The following BCOR variants were observed in gnomAD, a reference collection of about 807,000 sequenced individuals.
BCOR encodes BCL6 corepressor.
Under a neutral mutation model 86.7 loss-of-function variants are expected in BCOR, and 10 were observed. That is an observed-to-expected ratio of 0.12 (90% confidence interval 0.07 to 0.20). BCOR has a LOEUF of 0.20. Among genes scored for constraint, BCOR ranks in the 10% least tolerant of loss-of-function variants. The probability of loss-of-function intolerance (pLI) is 1.00; values close to 1 mark genes in which losing one functional copy is unlikely to be tolerated. For synonymous variants in BCOR, 611 were observed against 609.0 expected (o/e 1.00, Z -0.05); for missense variants, 1,259 against 1,452.1 (o/e 0.87, Z 2.16).
intron 1 of BCOR, among the ~76,000 whole-genome samples, chrX:40,111,824 G>A (rs1275855601): frequency 9.0e-6 from 1 of 111,505 alleles, no homozygotes; most frequent in Non-Finnish European, 1.9e-5. Flanking sequence ...GGAACACACT[G>A]CACAATCTGT....
intron 1 of BCOR, among the ~76,000 whole-genome samples, chrX:40,163,338 G>T (rs1938455325): frequency 9.0e-6 from 1 of 111,373 alleles, no homozygotes; most frequent in African/African-American, 3.3e-5. Flanking sequence ...CATTGGACAA[G>T]ATCATAGAGA....
chrX:40,117,118 T>C (rs755832188), intron 1 of BCOR, among the ~76,000 whole-genome samples: 1 of 112,684 alleles, frequency 8.9e-6, no homozygotes, highest in African/African-American at 3.2e-5. Flanking sequence ...ACACCGATGA[T>C]TAATGCGCCT....
chrX:40,141,531 C>T (rs1937923269), intron 1 of BCOR, among the ~76,000 whole-genome samples: 1 of 111,556 alleles, frequency 9.0e-6, no homozygotes, highest in African/African-American at 3.3e-5. Context: ...TGGGAGACTC[C>T]GTGTGCAGTG....
upstream of BCOR, among the ~76,000 whole-genome samples, chrX:40,099,642 A>T (rs1937033590): frequency 8.9e-6 from 1 of 112,518 alleles, no homozygotes; most frequent in Non-Finnish European, 1.9e-5. Flanking sequence ...AGCTCTAGCT[A>T]GCAGATATTT....
chrX:40,148,758 T>C lies in BCOR; in HGVS notation c.-41+28249A>G, dbSNP rs374502013. On this transcript the variant is annotated intron_variant, in intron 1 of 14. Coordinates refer to the BCOR transcript ENST00000342274. ...AGCGCTGTGAGGGAAGTAGGACAGA[T>C]AGCATCACCCCCATTGGCAAAGGAG... Among the ~76,000 whole-genome samples, 15 of 110,977 alleles carry C rather than the reference T, an allele frequency of 1.4e-4. No individual in the cohort carries two copies. The East Asian group carries it at 4.3e-3, about 32-fold the overall frequency.
At chrX:40,138,560 A>T (rs1378306594) in intron 1 of BCOR, among the ~76,000 whole-genome samples, 1 of 110,305 alleles carries the variant, frequency 9.1e-6, no homozygotes, top group African/African-American at 3.3e-5. Context: ...TTATTTATTT[A>T]TTTATTTATT....
chrX:40,056,281 T>TAAAAAAAAAAAAAAAAA lies in BCOR; in HGVS notation c.4596-785_4596-769dup, dbSNP rs60712024. Among the ~76,000 whole-genome samples, 13 of 61,437 alleles carry TAAAAAAAAAAAAAAAAA rather than the reference T, an allele frequency of 2.1e-4. 1 individual carries two copies. The highest frequency in any genetic ancestry group is 8.2e-4 in the African/African-American group (12 of 14,592). 53.4% of individuals were successfully genotyped at this position (61,437 alleles called of 115,157 possible). The stretch of plus-strand genomic sequence containing the variant: ...AATACAACAAGCAACTGTCACACAT[T>TAAAAAAAAAAAAAAAAA]AAAAAAAAAAAAAAAAAAAAGCCAC... On this transcript the variant is annotated intron_variant, in intron 11 of 14. Transcript: ENST00000378444.
chrX:40,052,337 A>C lies in BCOR; in HGVS notation c.5040T>G (p.Phe1680Leu). Residue 1680 changes from phenylalanine to leucine, a missense_variant, in exon 15 of 15, where the codon TTT (phenylalanine) becomes TTG (leucine). This residue lies in a region of BCOR where 137 missense variants were observed against 149.8 expected (regional missense o/e 0.91). Coordinates refer to ENST00000378444, the MANE Select transcript of BCOR (RefSeq NM_001123385.2). ...TTTCCACGTTTGGAAAATTGCAGCG[A>C]AATATGCGGGAGGACATTTTCAATT... The part of the protein sequence containing the change: ...LKKLKMSSRI[F>L]RCNFPNVEIV... 1.7e-6 allele frequency: 2 copies of C among 1,211,993 alleles called. No homozygotes were observed. The highest frequency in any genetic ancestry group is 1.8e-5 in the South Asian group (1 of 57,007).
chrX:40,140,666 C>T (rs1937903729), intron 1 of BCOR, among the ~76,000 whole-genome samples: 1 of 112,525 alleles, frequency 8.9e-6, no homozygotes, highest in South Asian at 3.6e-4. Flanking sequence ...GCCACCCCAA[C>T]AGCCACAAGC....
intron 1 of BCOR, among the ~76,000 whole-genome samples, chrX:40,133,517 T>C (rs1029569991): frequency 9.2e-6 from 1 of 108,840 alleles, no homozygotes; most frequent in Non-Finnish European, 1.9e-5. Flanking sequence ...TGGAGTGCAG[T>C]GGCGCTACCT....
chrX:40,156,224 G>A (rs191593857), intron 1 of BCOR, among the ~76,000 whole-genome samples: 255 of 113,181 alleles, frequency 2.3e-3, no homozygotes, highest in African/African-American at 7.7e-3. Context: ...CGTAATTAAA[G>A]ATCTGAGAGT....
chrX:40,173,947 T>G (rs1938686350), intron 1 of BCOR, among the ~76,000 whole-genome samples: 1 of 113,025 alleles, frequency 8.8e-6, no homozygotes, highest in South Asian at 3.6e-4. Context: ...CAAATACCAC[T>G]TCTGTAGACA....
At chrX:40,110,212 G>A (rs945773821) in intron 1 of BCOR, among the ~76,000 whole-genome samples, 1 of 111,449 alleles carries the variant, frequency 9.0e-6, no homozygotes, top group Non-Finnish European at 1.9e-5. Flanking sequence ...ATTTAGAGGC[G>A]AGAAATGCCT....
At chrX:40,161,852 T>C (rs907219620) in intron 1 of BCOR, among the ~76,000 whole-genome samples, 2 of 111,757 alleles carry the variant, frequency 1.8e-5, no homozygotes, top group Non-Finnish European at 1.9e-5. Context: ...ATCAAGTACA[T>C]AACGGTCTGC....
Position 40,062,858 on chromosome X carries a change from C to G in BCOR, c.4061G>C (p.Ser1354Thr). The change falls in exon 9 of 15, where the codon AGC becomes ACC. Residue 1354 changes from serine to threonine, a missense_variant. This residue lies in a region of BCOR where 305 missense variants were observed against 286.1 expected (regional missense o/e 1.07). Transcript: ENST00000378444. ...ASLLQKYTDN[S>T]EKPSGKRLCK... is the part of the protein sequence containing the mutation. ...CAGTCTCTTCCCGGATGGCTTCTCG[C>G]TGTTGTCGGTGTATTTCTGCAGCAG... is the stretch of plus-strand genomic sequence containing the variant. The G allele has an allele frequency of 8.3e-7, 1 of 1,211,659 alleles. No individual in the cohort carries two copies. Among genetic ancestry groups the G allele is most frequent in the Non-Finnish European group, 1.1e-6 (1 of 895,349 alleles).
At chrX:40,152,324 G>A (rs773901175) in intron 1 of BCOR, among the ~76,000 whole-genome samples, 4 of 111,389 alleles carry the variant, frequency 3.6e-5, no homozygotes, top group Non-Finnish European at 7.6e-5. Flanking sequence ...CCGGATCTAG[G>A]CCATTGTTAC....
intron 1 of BCOR, among the ~76,000 whole-genome samples, chrX:40,104,855 A>C (rs999275950): frequency 4.0e-4 from 45 of 111,912 alleles, no homozygotes; most frequent in Non-Finnish European, 7.0e-4. Flanking sequence ...TAAGGCCCAC[A>C]CGCGTCCCAT....
intron 1 of BCOR, among the ~76,000 whole-genome samples, chrX:40,122,402 C>A (rs1279316994): frequency 1.8e-5 from 2 of 111,351 alleles, no homozygotes; most frequent in Non-Finnish European, 3.8e-5. Context: ...GGAAGCCAGC[C>A]TGGGGTCCCT....
At position 40,093,415 on chromosome X, in the gene BCOR, G is replaced by A. The variant is rs1936706526; in HGVS notation, c.-41+3800C>T. On this transcript the variant is annotated intron_variant, in intron 1 of 14. Coordinates refer to ENST00000378444, the MANE Select transcript of BCOR (RefSeq NM_001123385.2). ...TCTTAAAGAAAGGAAGAGGAGGGAG[G>A]AGGAGACTGGAATGTTAGTAATGAG... Among the ~76,000 whole-genome samples the A allele has an allele frequency of 3.6e-5, 4 of 111,954 alleles. No individual in the cohort carries two copies. The Admixed American group carries it at 3.8e-4, about 11-fold the overall frequency.
Sources: allele counts gnomAD v4.1 joint callset (sites outside exome capture counted in the v4.1 genomes callset), GRCh38; gene constraint gnomAD v4.1.1; regional missense constraint gnomAD v4.1.1; transcripts MANE v1.5; gene names NCBI Gene and HGNC (gene_info 2026-07-23, HGNC 2026-07-21).